Variants in ADGRB3 observed in about 807,000 individuals in gnomAD.
The protein encoded by ADGRB3 is adhesion G protein-coupled receptor B3.
Under a neutral mutation model 193.4 loss-of-function variants are expected in ADGRB3, and 37 were observed. That is an observed-to-expected ratio of 0.19 (90% CI 0.15 to 0.25). The LOEUF (loss-of-function observed/expected upper bound fraction) is 0.25. Among genes scored for constraint, ADGRB3 ranks in the 10% least tolerant of loss-of-function variants. ADGRB3 has a pLI of 1.00. For synonymous variants in ADGRB3, 690 were observed against 644.2 expected (o/e 1.07, Z -1.08); for missense variants, 1,637 against 1,852.9 (o/e 0.88, Z 2.14).
At chr6:69,189,698 A>T (rs1265419174) in intron 17 of ADGRB3, among the ~76,000 whole-genome samples, 1 of 152,184 alleles carries the variant, frequency 6.6e-6, no homozygotes, top group Non-Finnish European at 1.5e-5. Context: ...TCAGCAGTTG[A>T]CCTTAGATTG....
In ADGRB3 at chr6:68,884,437, CAGAG is replaced by C. The variant is rs1251814938; in HGVS notation, c.758-46119_758-46116del. ...GGATTGAGAGTGAGAACATGTCTCT[CAGAG>C]AGTAAGAGCTTTAGGCTGAAACCCG... On this transcript the variant is annotated intron_variant, in intron 3 of 31. Transcript: ENST00000370598. Among the ~76,000 whole-genome samples, 12 of 152,172 alleles carry C rather than the reference CAGAG, an allele frequency of 7.9e-5. No individual in the cohort carries two copies. The East Asian group carries it at 2.3e-3, about 29-fold the overall frequency.
chr6:68,843,920 G>A (rs1305217702), intron 3 of ADGRB3, among the ~76,000 whole-genome samples: 3 of 152,074 alleles, frequency 2.0e-5, no homozygotes, highest in African/African-American at 2.4e-5. Context: ...TGTACATTGG[G>A]GAAAAACTAT....
At chr6:68,993,995 A>G (rs1345225212) in intron 11 of ADGRB3, 33 bp downstream of exon 11, 15 of 1,598,812 alleles carry the variant, frequency 9.4e-6, no homozygotes, top group Admixed American at 6.8e-5. Flanking sequence ...GGAAAGGGCT[A>G]GTGAAGATGC....
chr6:69,125,324 C>T (rs2150331823), intron 17 of ADGRB3, among the ~76,000 whole-genome samples: 1 of 152,314 alleles, frequency 6.6e-6, no homozygotes, highest in East Asian at 1.9e-4. Context: ...GGCTTTAACT[C>T]AATTGCTTTG....
At chr6:68,844,943 A>G (rs1335932726) in intron 3 of ADGRB3, among the ~76,000 whole-genome samples, 1 of 152,126 alleles carries the variant, frequency 6.6e-6, no homozygotes, top group Non-Finnish European at 1.5e-5. Flanking sequence ...GAAACCACAG[A>G]GTAGAATTAT....
At chr6:68,735,741 T>A (rs1024313085) in intron 3 of ADGRB3, among the ~76,000 whole-genome samples, 11 of 152,086 alleles carry the variant, frequency 7.2e-5, no homozygotes, top group African/African-American at 2.7e-4. Flanking sequence ...TAGACTGAAT[T>A]GATTTTATAG....
At chr6:68,642,390 A>T (rs964696317) in intron 3 of ADGRB3, among the ~76,000 whole-genome samples, 1 of 152,168 alleles carries the variant, frequency 6.6e-6, no homozygotes, top group African/African-American at 2.4e-5. Context: ...ATAGACTCTC[A>T]GGAGTGGGAT....
intron 3 of ADGRB3, among the ~76,000 whole-genome samples, chr6:68,735,611 C>T (rs1340405257): frequency 6.6e-6 from 1 of 151,984 alleles, no homozygotes; most frequent in African/African-American, 2.4e-5. Context: ...AACTTTTTAG[C>T]ATTCTAAGTT....
rs145508223 is a variant in ADGRB3 at position 68,873,697 on chromosome 6, C to T, written c.758-56862C>T. On this transcript the variant is annotated intron_variant, in intron 3 of 31. Coordinates refer to ENST00000370598, the MANE Select transcript of ADGRB3 (RefSeq NM_001704.3). ...ATGAATTCCAACAATGAAAAGTGTACGATATCATTACAAGATGATCTAAGT... is the reference window on the plus strand; with the variant it reads ...ATGAATTCCAACAATGAAAAGTGTATGATATCATTACAAGATGATCTAAGT... Among the ~76,000 whole-genome samples the T allele has an allele frequency of 2.3e-3, 348 of 152,020 alleles. 1 individual carries two copies. Among genetic ancestry groups the T allele is most frequent in the African/African-American group, 8.0e-3 (332 of 41,476 alleles).
chr6:68,781,935 T>C (rs938638310), intron 3 of ADGRB3, among the ~76,000 whole-genome samples: 1 of 152,108 alleles, frequency 6.6e-6, no homozygotes, highest in Admixed American at 6.6e-5. Context: ...TCAGTTCAAA[T>C]GTGCCAATCA....
intron 17 of ADGRB3, among the ~76,000 whole-genome samples, chr6:69,211,618 C>T (rs1223606951): frequency 6.6e-6 from 1 of 152,098 alleles, no homozygotes; most frequent in African/African-American, 2.4e-5. Context: ...GTCACTATGT[C>T]CTTATCTTCC....
At chr6:69,166,376 C>T (rs1279704885) in intron 17 of ADGRB3, among the ~76,000 whole-genome samples, 1 of 152,118 alleles carries the variant, frequency 6.6e-6, no homozygotes, top group Non-Finnish European at 1.5e-5. Flanking sequence ...CATTTTCTCA[C>T]TCTGAGCTTT....
intron 15 of ADGRB3, among the ~76,000 whole-genome samples, chr6:69,051,749 G>GT (rs1381535666): frequency 2.0e-5 from 3 of 150,428 alleles, no homozygotes; most frequent in Non-Finnish European, 3.0e-5. Context: ...GAACAAGGGT[G>GT]ATTCTTTTTT....
intron 31 of ADGRB3, among the ~76,000 whole-genome samples, chr6:69,383,426 A>C (rs1415202949): frequency 1.3e-5 from 2 of 151,976 alleles, no homozygotes; most frequent in African/African-American, 4.8e-5. Flanking sequence ...CTGGTTATTA[A>C]CTGTGACCAT....
chr6:68,641,856 TATG>T (rs1478224634), intron 3 of ADGRB3, among the ~76,000 whole-genome samples: 2 of 152,006 alleles, frequency 1.3e-5, no homozygotes, highest in African/African-American at 4.8e-5. Flanking sequence ...TATTTGATAT[TATG>T]ATATATAAAA....
intron 3 of ADGRB3, among the ~76,000 whole-genome samples, chr6:68,695,019 A>G (rs1426468934): frequency 1.3e-5 from 2 of 152,188 alleles, no homozygotes; most frequent in East Asian, 3.9e-4. Context: ...GTGATATCTA[A>G]TAAAACTTGT....
rs186635510 is a variant in ADGRB3 at position 68,916,550 on chromosome 6, A to G, written c.758-14009A>G. On this transcript the variant is annotated intron_variant, in intron 3 of 31. Coordinates refer to ENST00000370598, the MANE Select transcript of ADGRB3 (RefSeq NM_001704.3). The stretch of plus-strand genomic sequence containing the variant: ...GCAATTTATTAAAACAAATGAACAA[A>G]AACCAAACAAAACACAGGTTGATGA... 2.7e-4 allele frequency among the ~76,000 whole-genome samples: 41 copies of G among 152,328 alleles called. 1 individual carries two copies. In the East Asian group the frequency reaches 7.9e-3, roughly 29 times the overall value.
chr6:69,031,527 T>TTC (rs1180101324), intron 13 of ADGRB3, among the ~76,000 whole-genome samples: 1 of 51,276 alleles, frequency 2.0e-5, no homozygotes, highest in African/African-American at 4.8e-5. Context: ...GTCTCTTTCT[T>TTC]TCTTTCTTTC....
intron 15 of ADGRB3, among the ~76,000 whole-genome samples, chr6:69,061,577 G>A (rs1771750749): frequency 6.6e-6 from 1 of 151,812 alleles, no homozygotes; most frequent in African/African-American, 2.4e-5. Context: ...AATGTGTATG[G>A]TAATTATTTA....
Sources: gnomAD v4.1 joint callset for allele counts (sites outside exome capture counted in the v4.1 genomes callset) on GRCh38, gnomAD v4.1.1 for gene constraint, MANE v1.5 for transcripts, NCBI Gene and HGNC (gene_info 2026-07-23, HGNC 2026-07-21) for gene names.